The following GRIN2B variants were observed in gnomAD, a reference collection of about 807,000 sequenced individuals.
GRIN2B encodes glutamate receptor ionotropic, NMDA 2B.
In GRIN2B, 5 loss-of-function variants were observed where a neutral mutation model predicts 114.5. The ratio of observed to expected loss-of-function variants is 0.04; its 90% CI spans 0.02 to 0.09. The LOEUF (loss-of-function observed/expected upper bound fraction) is 0.09, where lower values mean the gene tolerates loss of function less well. GRIN2B is among the 10% of genes least tolerant of loss of function. GRIN2B has a pLI of 1.00. For missense variants in GRIN2B, 1,108 were observed against 1,943.5 expected (o/e 0.57, Z 8.08); for synonymous variants, 787 against 745.1 (o/e 1.06, Z -0.92).
At chr12:13,932,209 G>A (rs1428341978) in intron 2 of GRIN2B, among the ~76,000 whole-genome samples, 2 of 151,948 alleles carry the variant, frequency 1.3e-5, no homozygotes, top group African/African-American at 4.8e-5. Context: ...TCATGTCCTG[G>A]GGCATATGTC....
intron 11 of GRIN2B, among the ~76,000 whole-genome samples, chr12:13,570,894 G>C (rs57404320): frequency 0.013 from 1,975 of 152,280 alleles, 44 homozygotes; most frequent in African/African-American, 0.045. Context: ...GTACCCGATA[G>C]AAAGGGGAAC....
chr12:13,839,383 A>C (rs1865341132), intron 3 of GRIN2B, among the ~76,000 whole-genome samples: 1 of 152,196 alleles, frequency 6.6e-6, no homozygotes. Flanking sequence ...AATATTTTCC[A>C]GTTGGAGAAA....
intron 10 of GRIN2B, among the ~76,000 whole-genome samples, chr12:13,589,366 C>A (rs1458248671): frequency 6.6e-6 from 1 of 152,136 alleles, no homozygotes; most frequent in Non-Finnish European, 1.5e-5. Flanking sequence ...TTGAGGGTGG[C>A]AGTTTCTAGA....
chr12:13,604,504 C>G (rs1301443906), intron 10 of GRIN2B, among the ~76,000 whole-genome samples: 2 of 152,204 alleles, frequency 1.3e-5, no homozygotes, highest in African/African-American at 4.8e-5. Flanking sequence ...GATACATCAT[C>G]TGTAATAGTC....
In GRIN2B at chr12:13,543,099, A is replaced by T. The variant is rs1948301126; in HGVS notation, c.*19684T>A. 1 of 152,130 alleles carries T rather than the reference A, an allele frequency of 6.6e-6. No individual in the cohort carries two copies. The allele number at this position is 152,130 out of a possible 1,614,324, so 9.4% of individuals were successfully genotyped here. On this transcript the variant is annotated 3_prime_UTR_variant, in exon 14 of 14. Coordinates refer to ENST00000609686, the MANE Select transcript of GRIN2B (RefSeq NM_000834.5). Reference sequence around the variant, plus strand: ...CATTCCTGTCATAATTTACATTCCTATCATATGGAAGTCAACATTTTGTTG... The same window carrying T: ...CATTCCTGTCATAATTTACATTCCTTTCATATGGAAGTCAACATTTTGTTG...
chr12:13,980,138 A>T lies in GRIN2B; in HGVS notation c.-229T>A, dbSNP rs1199257129. The T allele has an allele frequency of 6.6e-6, 1 of 152,238 alleles. No individual in the cohort carries two copies. The highest frequency in any genetic ancestry group is 1.5e-5 in the Non-Finnish European group (1 of 68,042). 9.4% of individuals were successfully genotyped at this position (152,238 alleles called of 1,614,324 possible). ...ATTCAAAAAAAAAAAGATTTAATTC[A>T]AAGGTAATTCAGGGTATGGAGAGCA... On this transcript the variant is annotated 5_prime_UTR_variant, in exon 2 of 14. Coordinates refer to ENST00000609686, the MANE Select transcript of GRIN2B (RefSeq NM_000834.5).
chr12:13,605,124 G>A (rs1025844208), intron 10 of GRIN2B, among the ~76,000 whole-genome samples: 1 of 150,126 alleles, frequency 6.7e-6, no homozygotes, highest in South Asian at 2.1e-4. Flanking sequence ...ACTTTGTGGA[G>A]TTCAGGGTCA....
At chr12:13,842,353 G>A (rs1422837177) in intron 3 of GRIN2B, among the ~76,000 whole-genome samples, 1 of 152,188 alleles carries the variant, frequency 6.6e-6, no homozygotes, top group Non-Finnish European at 1.5e-5. Flanking sequence ...TTAGTCCTAT[G>A]AGATAAGCCC....
chr12:13,924,124 C>T (rs1866874199), intron 2 of GRIN2B, among the ~76,000 whole-genome samples: 1 of 152,132 alleles, frequency 6.6e-6, no homozygotes, highest in Non-Finnish European at 1.5e-5. Context: ...GTCAGTGCCA[C>T]ATTCTGGTTG....
At position 13,552,774 on chromosome 12, in the gene GRIN2B, A is replaced by C. The variant is rs1485741379; in HGVS notation, c.*10009T>G. On this transcript the variant is annotated 3_prime_UTR_variant, in exon 14 of 14. Coordinates refer to ENST00000609686, the MANE Select transcript of GRIN2B (RefSeq NM_000834.5). ...CATAGGACTTTTGAAAAGCAAAATT[A>C]TCTCTCTAGACTTATATTTTAATTT... The C allele has an allele frequency of 6.6e-6, 1 of 152,184 alleles. No individual in the cohort carries two copies. Among genetic ancestry groups the C allele is most frequent in the Non-Finnish European group, 1.5e-5 (1 of 68,010 alleles). 9.4% of individuals were successfully genotyped at this position (152,184 alleles called of 1,614,324 possible). A position where few individuals can be genotyped will look rare whatever the true frequency, so the allele number is the denominator to read the frequency against.
intron 5 of GRIN2B, among the ~76,000 whole-genome samples, chr12:13,664,436 T>C (rs1038029707): frequency 6.6e-6 from 1 of 152,174 alleles, no homozygotes; most frequent in Non-Finnish European, 1.5e-5. Context: ...TGAAATAATC[T>C]TTAAGAATAT....
At chr12:13,754,470 C>T (rs1191031947) in intron 3 of GRIN2B, among the ~76,000 whole-genome samples, 1 of 152,202 alleles carries the variant, frequency 6.6e-6, no homozygotes, top group Non-Finnish European at 1.5e-5. Flanking sequence ...ACACATAAAC[C>T]TATCTACGGA....
intron 9 of GRIN2B, 23 bp from the exon 10 acceptor site, chr12:13,608,855 A>G (rs753014386): frequency 6.4e-7 from 1 of 1,564,758 alleles, no homozygotes; most frequent in Non-Finnish European, 8.8e-7. Context: ...AAAGACAAGG[A>G]CGAAAGTTAA....
intron 3 of GRIN2B, among the ~76,000 whole-genome samples, chr12:13,780,187 C>G (rs909007536): frequency 2.0e-5 from 3 of 151,804 alleles, no homozygotes; most frequent in Non-Finnish European, 4.4e-5. Flanking sequence ...AAAAGTAACA[C>G]AAAAGTAAAT....
chr12:13,569,939 G>C lies in GRIN2B; in HGVS notation c.2250C>G (p.Thr750=), dbSNP rs752150199. Residue 750 remains threonine, a synonymous_variant, in exon 12 of 14, where the codon ACC becomes ACG. Coordinates refer to ENST00000609686, the MANE Select transcript of GRIN2B (RefSeq NM_000834.5). ...AAGCAAAGACCTTCCCACTGCCAAT[G>C]GTCACCAGCTTGCAGCCTTCATCTC... ...AGRDEGCKLV[T]IGSGKVFAST... 4 of 1,612,330 alleles carry C rather than the reference G, an allele frequency of 2.5e-6. No individual in the cohort carries two copies. In the Admixed American group the frequency reaches 5.0e-5, roughly 20 times the overall value.
chr12:13,737,565 C>G (rs1455758785), intron 4 of GRIN2B, among the ~76,000 whole-genome samples: 1 of 152,134 alleles, frequency 6.6e-6, no homozygotes, highest in Non-Finnish European at 1.5e-5. Context: ...AACAGGCACT[C>G]TAGATTGATT....
intron 5 of GRIN2B, among the ~76,000 whole-genome samples, chr12:13,633,107 T>C (rs1370671988): frequency 6.6e-6 from 1 of 152,206 alleles, no homozygotes; most frequent in African/African-American, 2.4e-5. Context: ...GGAAGTCACA[T>C]AAAGTCACTC....
rs372040957 is a variant in GRIN2B, at chr12:13,564,142, G to T, written c.3096C>A (p.His1032Gln). The change falls in exon 14 of 14, where the codon CAC (histidine) becomes CAA (glutamine). Residue 1032 changes from histidine (H) to glutamine (Q), a missense_variant. His to Gln is a conservative substitution (Grantham distance 24). Around this residue, in one of 19 missense-constraint regions of GRIN2B, gnomAD observed 140 missense variants for 187.5 expected, o/e 0.75. Transcript: ENST00000609686. The surrounding 1 kb of genome is among the most constrained non-coding windows in gnomAD (Gnocchi z 4.8). ...PLDIGLPSSK[H>Q]SQLSDLYGKF... ...TGCCGTACAGGTCACTGAGCTGGCT[G>T]TGCTTGGAGGAGGGGAGGCCGATGT... 2.5e-6 allele frequency: 4 copies of T among 1,614,052 alleles called. No homozygotes were observed. Among genetic ancestry groups the T allele is most frequent in the Non-Finnish European group, 2.5e-6 (3 of 1,180,036 alleles).
intron 4 of GRIN2B, among the ~76,000 whole-genome samples, chr12:13,733,630 C>T (rs1369503504): frequency 2.0e-5 from 3 of 152,052 alleles, no homozygotes; most frequent in East Asian, 3.9e-4. Flanking sequence ...GGTAGGCTTG[C>T]GTAGAGGCTC....
Sources: allele counts gnomAD v4.1 joint callset (sites outside exome capture counted in the v4.1 genomes callset), GRCh38; gene constraint gnomAD v4.1.1; regional missense constraint gnomAD v4.1.1; non-coding constraint Gnocchi (gnomAD v3.1); transcripts MANE v1.5; gene names NCBI Gene and HGNC (gene_info 2026-07-23, HGNC 2026-07-21).